Variants in KIAA0586 observed in about 807,000 individuals in gnomAD.
KIAA0586 encodes protein TALPID3.
KIAA0586 carries 144 observed loss-of-function variants against 169.8 expected under a neutral mutation model. The ratio of observed to expected loss-of-function variants is 0.85; its 90% CI spans 0.74 to 0.97. KIAA0586 has a LOEUF of 0.97. Among genes scored for constraint, KIAA0586 ranks in the 50% least tolerant of loss-of-function variants. The pLI is 0.00. For synonymous variants in KIAA0586, 625 were observed against 612.4 expected (o/e 1.02, Z -0.30); for missense variants, 1,854 against 1,823.0 (o/e 1.02, Z -0.31).
intron 4 of KIAA0586, among the ~76,000 whole-genome samples, chr14:58,442,258 T>C (rs920566355): frequency 2.6e-5 from 4 of 151,972 alleles, no homozygotes; most frequent in African/African-American, 9.7e-5. Context: ...TACAGGCGCA[T>C]GCCACCACGC....
intron 6 of KIAA0586, among the ~76,000 whole-genome samples, chr14:58,446,476 GAC>G (rs1182321499): frequency 6.6e-6 from 1 of 151,966 alleles, no homozygotes; most frequent in Non-Finnish European, 1.5e-5. Flanking sequence ...CAGCCTGGGT[GAC>G]AGAGCAAGAC....
At chr14:58,545,178 C>T (rs531175451) in intron 30 of KIAA0586, among the ~76,000 whole-genome samples, 2 of 152,266 alleles carry the variant, frequency 1.3e-5, no homozygotes, top group African/African-American at 4.8e-5. Context: ...CCTCAGTTGC[C>T]TTGTCTGTTT....
chr14:58,513,555 T>G (rs1052837418), intron 29 of KIAA0586, among the ~76,000 whole-genome samples: 2 of 151,626 alleles, frequency 1.3e-5, no homozygotes, highest in Non-Finnish European at 2.9e-5. Flanking sequence ...TGCTCCAAGT[T>G]TTCAGAACTT....
intron 21 of KIAA0586, among the ~76,000 whole-genome samples, chr14:58,486,037 A>G (rs2042413539): frequency 6.6e-6 from 1 of 152,152 alleles, no homozygotes; most frequent in Admixed American, 6.5e-5. Context: ...ATATGGATAT[A>G]CTGGACCCAG....
At chr14:58,427,699 T>C (rs973041414), upstream of KIAA0586, 11 of 1,535,268 alleles carry the variant, frequency 7.2e-6, no homozygotes, top group African/African-American at 1.5e-4. Flanking sequence ...GAAGTGGGTG[T>C]TGACCTGCGG....
chr14:58,457,717 C>T (rs1852394974), intron 10 of KIAA0586, 42 bp from the exon 11 acceptor site: 4 of 1,247,794 alleles, frequency 3.2e-6, no homozygotes, highest in South Asian at 2.8e-5. Flanking sequence ...TTAAAGGAAT[C>T]GTTGTGAGTT....
At chr14:58,494,530 G>A (rs1168026703) in intron 26 of KIAA0586, among the ~76,000 whole-genome samples, 1 of 151,962 alleles carries the variant, frequency 6.6e-6, no homozygotes, top group East Asian at 1.9e-4. Flanking sequence ...TTTGGGTAAG[G>A]ATAAAACCAT....
chr14:58,519,093 C>T, intron 29 of KIAA0586, among the ~76,000 whole-genome samples: 1 of 152,224 alleles, frequency 6.6e-6, no homozygotes, highest in Middle Eastern at 3.2e-3. Flanking sequence ...GATCGCACCA[C>T]TGCACTCCAG....
chr14:58,456,820 G>C lies in KIAA0586; in HGVS notation c.1362+10G>C. ...AAATAGCATGGTCCAGGTAAAGTGG[G>C]AATGGTCTTAAAATTGATGATTAGT... On this transcript the variant is annotated intron_variant, in intron 10 of 30. Transcript: ENST00000652326. 7.1e-7 allele frequency: 1 copy of C among 1,407,224 alleles called. No individual in the cohort carries two copies. The highest frequency in any genetic ancestry group is 1.2e-5 in the South Asian group (1 of 82,446). 87.2% of individuals were successfully genotyped at this position (1,407,224 alleles called of 1,614,324 possible).
At chr14:58,489,460 T>G (rs1462715297) in intron 24 of KIAA0586, among the ~76,000 whole-genome samples, 2 of 152,130 alleles carry the variant, frequency 1.3e-5, no homozygotes, top group Non-Finnish European at 2.9e-5. Context: ...GCTCAAGTGA[T>G]CCACCCGTCT....
intron 28 of KIAA0586, 51 bp downstream of exon 28, chr14:58,508,760 T>C: frequency 6.9e-7 from 1 of 1,453,782 alleles, no homozygotes; most frequent in Non-Finnish European, 9.4e-7. Context: ...ATTGAAACAC[T>C]GTTGCCTTAG....
intron 20 of KIAA0586, among the ~76,000 whole-genome samples, chr14:58,477,982 A>G (rs1381370311): frequency 1.3e-5 from 2 of 151,706 alleles, no homozygotes; most frequent in East Asian, 3.9e-4. Context: ...AAAAGTCACC[A>G]CTTCTAAGTG....
intron 29 of KIAA0586, chr14:58,539,799 C>A: frequency 3.9e-6 from 1 of 257,896 alleles, no homozygotes. Flanking sequence ...ATACAAATTT[C>A]AGATTTTCTC....
chr14:58,543,889 G>A, intron 30 of KIAA0586: 2 of 455,384 alleles, frequency 4.4e-6, no homozygotes, highest in Non-Finnish European at 8.8e-6. Context: ...TTAGGTTTGG[G>A]GGTACATGTG....
intron 2 of KIAA0586, among the ~76,000 whole-genome samples, chr14:58,429,972 T>A (rs1284562880): frequency 6.6e-6 from 1 of 152,202 alleles, no homozygotes; most frequent in East Asian, 1.9e-4. Flanking sequence ...TGTTGACCTA[T>A]GTATTGTCAG....
At chr14:58,554,721 A>G (rs1429356169), downstream of KIAA0586, among the ~76,000 whole-genome samples, 1 of 152,208 alleles carries the variant, frequency 6.6e-6, no homozygotes, top group Non-Finnish European at 1.5e-5. Flanking sequence ...TTGGCTTTGA[A>G]GGCCTCATGT....
At chr14:58,537,693 G>A (rs760157907) in intron 29 of KIAA0586, among the ~76,000 whole-genome samples, 14 of 151,736 alleles carry the variant, frequency 9.2e-5, no homozygotes, top group African/African-American at 2.2e-4. Context: ...TGTCACCCAC[G>A]CTGGAGTGCA....
intron 9 of KIAA0586, among the ~76,000 whole-genome samples, chr14:58,456,005 C>T (rs977835894): frequency 4.1e-5 from 6 of 147,014 alleles, no homozygotes; most frequent in African/African-American, 7.6e-5. Context: ...CACTACCTCA[C>T]GCTGCTGAGA....
intron 26 of KIAA0586, among the ~76,000 whole-genome samples, chr14:58,495,292 G>GTA (rs374165918): frequency 1.5e-3 from 225 of 150,778 alleles, no homozygotes; most frequent in Admixed American, 2.9e-3. Flanking sequence ...GTGTGTGTGT[G>GTA]TATATATATA....
Sources: gnomAD v4.1 joint callset for allele counts (sites outside exome capture counted in the v4.1 genomes callset) on GRCh38, gnomAD v4.1.1 for gene constraint, MANE v1.5 for transcripts, NCBI Gene and HGNC (gene_info 2026-07-23, HGNC 2026-07-21) for gene names.